The following GDPD4 variants were observed in gnomAD, a reference collection of about 807,000 sequenced individuals.
GDPD4 encodes glycerophosphodiester phosphodiesterase 6.
Under a neutral mutation model 67.8 loss-of-function variants are expected in GDPD4, and 60 were observed. That is an observed-to-expected ratio of 0.88 (90% CI 0.72 to 1.10). The LOEUF is 1.10. Ranked by LOEUF, GDPD4 falls within the 50% of genes least tolerant of loss-of-function variation. The pLI, the probability that GDPD4 is intolerant of heterozygous loss-of-function variation, is 0.00. For missense variants in GDPD4, 623 were observed against 613.9 expected, an observed-to-expected ratio of 1.01 and a Z score of -0.16; for synonymous variants, 212 against 210.9, an observed-to-expected ratio of 1.00 and a Z score of -0.04.
chr11:77,290,028 T>A (rs1461459626), intron 1 of GDPD4, among the ~76,000 whole-genome samples: 1 of 152,138 alleles, frequency 6.6e-6, no homozygotes, highest in African/African-American at 2.4e-5. Flanking sequence ...TACAAGGGGT[T>A]CAGACATCCA....
rs550545971 is a variant in GDPD4, at chr11:77,269,178, A to G, written c.479-109T>C. ...AGTAAACCCACAGTCCATGGGTTTCATTGACTGTGTACTGGCTAATTTACT... is the reference window on the plus strand; with the variant it reads ...AGTAAACCCACAGTCCATGGGTTTCGTTGACTGTGTACTGGCTAATTTACT... On this transcript the variant is annotated intron_variant, in intron 8 of 16. Transcript: ENST00000315938. The G allele has an allele frequency of 3.3e-6, 3 of 901,968 alleles. No individual in the cohort carries two copies. In the East Asian group the frequency reaches 7.7e-5, roughly 23 times the overall value. The allele number at this position is 901,968 out of a possible 1,614,324, so 55.9% of individuals were successfully genotyped here.
Position 77,258,555 on chromosome 11 carries a change from T to C in GDPD4, c.708-13A>G. On this transcript the variant is annotated splice_polypyrimidine_tract_variant and intron_variant, in intron 10 of 16. Transcript: ENST00000315938. ...CACATGATCATAACTGAGGCAGAGG[T>C]AGAAAAGAAGGGCAGGGGTAGATAG... is the stretch of plus-strand genomic sequence containing the variant. The C allele has an allele frequency of 6.2e-7, 1 of 1,612,958 alleles. No homozygotes were observed.
intron 3 of GDPD4, 92 bp from the exon 4 acceptor site, chr11:77,279,491 T>C (rs548723509): frequency 3.0e-6 from 2 of 656,294 alleles, no homozygotes; most frequent in African/African-American, 3.7e-5. Flanking sequence ...AGATAAGGCA[T>C]AAGCAAATGT....
At chr11:77,258,072 C>A (rs1327660319) in intron 11 of GDPD4, among the ~76,000 whole-genome samples, 2 of 152,146 alleles carry the variant, frequency 1.3e-5, no homozygotes, top group Non-Finnish European at 2.9e-5. Flanking sequence ...TAGTCTGCCT[C>A]ATCTAGGAAA....
chr11:77,217,247 G>T lies in GDPD4; in HGVS notation c.*30C>A, dbSNP rs760740438. 2.8e-5 allele frequency: 44 copies of T among 1,557,970 alleles called. No individual in the cohort carries two copies. The highest frequency in any genetic ancestry group is 2.2e-5 in the South Asian group (2 of 89,868). ...AGGACCTTCCACAACTCGGACAGGA[G>T]GTTTCATGGCTATGTGCAAATCTAT... is the stretch of plus-strand genomic sequence containing the variant. On this transcript the variant is annotated 3_prime_UTR_variant, in exon 17 of 17. Transcript: ENST00000315938.
chr11:77,233,308 T>C, intron 13 of GDPD4, 136 bp from the exon 14 acceptor site: 1 of 744,830 alleles, frequency 1.3e-6, no homozygotes, highest in South Asian at 1.7e-5. Flanking sequence ...CAATTCATGA[T>C]ACGATGTGAC....
chr11:77,294,204 C>T (rs576399300), intron 1 of GDPD4, among the ~76,000 whole-genome samples: 1 of 152,070 alleles, frequency 6.6e-6, no homozygotes, highest in South Asian at 2.1e-4. Context: ...AATGTACTAA[C>T]GTTATCTTAG....
chr11:77,236,332 C>T (rs191515420), intron 13 of GDPD4, among the ~76,000 whole-genome samples: 6 of 152,086 alleles, frequency 3.9e-5, no homozygotes, highest in Middle Eastern at 3.4e-3. Flanking sequence ...ATCCCTGCCC[C>T]GTCTCCCCAC....
Position 77,245,363 on chromosome 11 carries a change from G to T in GDPD4, c.1004C>A (p.Pro335His). The change falls in exon 12 of 17, where the codon CCT (proline) becomes CAT (histidine). Residue 335 changes from proline (P) to histidine (H), a missense_variant. Physicochemically the swap from Pro to His is moderately conservative, Grantham distance 77. Coordinates refer to ENST00000315938, the MANE Select transcript of GDPD4 (RefSeq NM_182833.3). ...GTGTCTGAGAGGATGTTTTGGTGGA[G>T]GGCGATGAAGATCAAATATCACAAA... The part of the protein sequence containing the change: ...RKFVIFDLHR[P>H]PPKHPLRHTF... 1 of 1,614,148 alleles carries T rather than the reference G, an allele frequency of 6.2e-7. No homozygotes were observed. Among genetic ancestry groups the T allele is most frequent in the Non-Finnish European group, 8.5e-7 (1 of 1,180,010 alleles).
At chr11:77,276,553 TC>T (rs1591569734) in intron 4 of GDPD4, among the ~76,000 whole-genome samples, 1 of 152,212 alleles carries the variant, frequency 6.6e-6, no homozygotes, top group African/African-American at 2.4e-5. Flanking sequence ...CCATTTCTTT[TC>T]CCTGTGAGGA....
intron 1 of GDPD4, among the ~76,000 whole-genome samples, chr11:77,299,585 C>T (rs1044502498): frequency 6.6e-6 from 1 of 152,230 alleles, no homozygotes; most frequent in South Asian, 2.1e-4. Context: ...TTCTGCTGAT[C>T]TGTTCTGCCT....
chr11:77,241,109 CAA>C lies in GDPD4; in HGVS notation c.1241+2583_1241+2584del, dbSNP rs1407477887. On this transcript the variant is annotated intron_variant, in intron 13 of 16. Coordinates refer to ENST00000315938, the MANE Select transcript of GDPD4 (RefSeq NM_182833.3). ...TCCAAAGGAAGTGAAATCAATATGTCAAAGAGATATCTGTACTCCCATGTTCA... is the reference window on the plus strand; with the variant it reads ...TCCAAAGGAAGTGAAATCAATATGTCAGAGATATCTGTACTCCCATGTTCA... 3.3e-5 allele frequency among the ~76,000 whole-genome samples: 5 copies of C among 152,250 alleles called. No individual in the cohort carries two copies. In the East Asian group the frequency reaches 7.7e-4, roughly 24 times the overall value.
chr11:77,246,609 A>G (rs1261826725), intron 11 of GDPD4, among the ~76,000 whole-genome samples: 2 of 152,248 alleles, frequency 1.3e-5, no homozygotes, highest in Non-Finnish European at 2.9e-5. Context: ...ATTATAAAAT[A>G]GAGGAGAGGA....
At chr11:77,247,600 A>C (rs1958804247) in intron 11 of GDPD4, among the ~76,000 whole-genome samples, 1 of 152,236 alleles carries the variant, frequency 6.6e-6, no homozygotes. Context: ...GGAAGTAACA[A>C]GCTAGAAATG....
rs548246676 is a variant in GDPD4 at position 77,258,278 on chromosome 11, C to T, written c.864+108G>A. ...TCCTGCTACCAAACTGGGATGAAAT[C>T]GTGTGGATACTTGCCTATCTTCATC... On this transcript the variant is annotated intron_variant, in intron 11 of 16. Transcript: ENST00000315938. The T allele has an allele frequency of 1.0e-4, 111 of 1,064,940 alleles. No individual in the cohort carries two copies. In the East Asian group the frequency reaches 2.4e-3, roughly 23 times the overall value. The allele number at this position is 1,064,940 out of a possible 1,614,324, so 66.0% of individuals were successfully genotyped here.
At chr11:77,240,798 A>G (rs564665304) in intron 13 of GDPD4, among the ~76,000 whole-genome samples, 27 of 152,364 alleles carry the variant, frequency 1.8e-4, no homozygotes, top group African/African-American at 6.5e-4. Flanking sequence ...GAAGACACAA[A>G]TAGCCAACAA....
At chr11:77,253,573 A>G (rs935071664) in intron 11 of GDPD4, among the ~76,000 whole-genome samples, 3 of 152,058 alleles carry the variant, frequency 2.0e-5, no homozygotes, top group African/African-American at 7.2e-5. Context: ...ATCTCTCCTC[A>G]GACACTGGTT....
chr11:77,298,940 G>C lies in GDPD4; in HGVS notation c.-254+2665C>G, dbSNP rs984835008. Reference sequence around the variant, plus strand: ...CTGATGAGAATTTATGGTTTGTAGGGCATGACTCTAGGGTTAAATAAAACC... The same window carrying C: ...CTGATGAGAATTTATGGTTTGTAGGCCATGACTCTAGGGTTAAATAAAACC... On this transcript the variant is annotated intron_variant, in intron 1 of 16. Transcript: ENST00000315938. Among the ~76,000 whole-genome samples, 22 of 151,928 alleles carry C rather than the reference G, an allele frequency of 1.4e-4. 3 individuals are homozygous for C. The highest frequency in any genetic ancestry group is 1.2e-3 in the Admixed American group (19 of 15,268).
At chr11:77,284,791 G>T (rs1959922854) in intron 3 of GDPD4, among the ~76,000 whole-genome samples, 1 of 152,122 alleles carries the variant, frequency 6.6e-6, no homozygotes, top group Non-Finnish European at 1.5e-5. Flanking sequence ...AGATACCAGG[G>T]AATCATTATC....
Sources: gnomAD v4.1 joint callset for allele counts (sites outside exome capture counted in the v4.1 genomes callset) on GRCh38, gnomAD v4.1.1 for gene constraint, MANE v1.5 for transcripts, NCBI Gene and HGNC (gene_info 2026-07-23, HGNC 2026-07-21) for gene names.